Variants in ARHGEF10L observed in about 807,000 individuals in gnomAD.
ARHGEF10L encodes the protein Rho guanine nucleotide exchange factor 10 like.
Under a neutral mutation model 141.2 loss-of-function variants are expected in ARHGEF10L, and 69 were observed. The ratio of observed to expected loss-of-function variants is 0.49; its 90% CI spans 0.40 to 0.60. The LOEUF is 0.60. Among genes scored for constraint, ARHGEF10L ranks in the 20% least tolerant of loss-of-function variants. The probability of loss-of-function intolerance (pLI) is 0.00; values close to 1 mark genes in which losing one functional copy is unlikely to be tolerated. For missense variants in ARHGEF10L, 1,482 were observed against 1,734.3 expected (o/e 0.85, Z 2.58); for synonymous variants, 711 against 718.5 (o/e 0.99, Z 0.17).
intron 22 of ARHGEF10L, among the ~76,000 whole-genome samples, chr1:17,653,600 C>T (rs542068555): frequency 2.4e-4 from 36 of 152,358 alleles, no homozygotes; most frequent in Admixed American, 5.9e-4. Flanking sequence ...CCGGGCTTAG[C>T]GAAGCCCCCT....
intron 22 of ARHGEF10L, among the ~76,000 whole-genome samples, chr1:17,653,125 C>T (rs1248741973): frequency 1.3e-5 from 2 of 152,184 alleles, no homozygotes; most frequent in Admixed American, 1.3e-4. Flanking sequence ...TTTACACTTT[C>T]CCTCTCCAGT....
At chr1:17,608,310 C>T (rs948279502) in intron 7 of ARHGEF10L, among the ~76,000 whole-genome samples, 5 of 152,184 alleles carry the variant, frequency 3.3e-5, no homozygotes, top group East Asian at 1.9e-4. Context: ...GTCCTCTCAA[C>T]GCCGCACTCC....
Position 17,606,303 on chromosome 1 carries a change from T to C in ARHGEF10L, c.434-1499T>C, listed in dbSNP as rs139170918. Among the ~76,000 whole-genome samples the C allele has an allele frequency of 6.6e-4, 100 of 152,138 alleles. 4 individuals carry two copies. In the East Asian group the frequency reaches 0.016, roughly 24 times the overall value. On this transcript the variant is annotated intron_variant, in intron 6 of 28. Coordinates refer to ENST00000361221, the MANE Select transcript of ARHGEF10L (RefSeq NM_018125.4). ...TTCTTTTCTTCTTCTTCTTCTTCTT[T>C]TTTTTTTTGAGATGTTGTCTCTCTC...
intron 9 of ARHGEF10L, chr1:17,618,576 C>A: frequency 4.8e-6 from 6 of 1,258,170 alleles, no homozygotes; most frequent in Non-Finnish European, 6.2e-6. Context: ...GTTGCTGCCG[C>A]TTCTTCTTTC....
intron 26 of ARHGEF10L, among the ~76,000 whole-genome samples, chr1:17,680,397 C>G (rs1160552464): frequency 1.3e-5 from 2 of 152,208 alleles, no homozygotes; most frequent in African/African-American, 4.8e-5. Context: ...AGAAGCGTCA[C>G]CTGGAGGCAC....
chr1:17,576,886 T>A (rs1278623020), intron 1 of ARHGEF10L, among the ~76,000 whole-genome samples: 1 of 152,238 alleles, frequency 6.6e-6, no homozygotes, highest in African/African-American at 2.4e-5. Flanking sequence ...TGTCACCGCC[T>A]GGAGAGTCAC....
intron 1 of ARHGEF10L, among the ~76,000 whole-genome samples, chr1:17,579,116 G>A (rs574373061): frequency 6.7e-4 from 102 of 152,194 alleles, no homozygotes; most frequent in African/African-American, 2.3e-3. Flanking sequence ...CGCCTCCCAC[G>A]TTCAAGTGAT....
In ARHGEF10L at chr1:17,656,112, C is replaced by A; in HGVS notation, c.2705+10C>A. 1.3e-6 allele frequency: 2 copies of A among 1,549,696 alleles called. No homozygotes were observed. Among genetic ancestry groups the A allele is most frequent in the Non-Finnish European group, 8.7e-7 (1 of 1,147,230 alleles). The stretch of plus-strand genomic sequence containing the variant: ...GGCTCCAGGATGGCAGGTGAGGGGC[C>A]CGGAAGGAGGGGTGAGAGCAGCCTC... On this transcript the variant is annotated intron_variant, in intron 24 of 28. Transcript: ENST00000361221. The surrounding 1 kb of genome is among the most constrained non-coding windows in gnomAD (Gnocchi z 4.9).
chr1:17,672,236 T>C (rs1176452815), intron 26 of ARHGEF10L, among the ~76,000 whole-genome samples: 1 of 139,044 alleles, frequency 7.2e-6, no homozygotes, highest in Non-Finnish European at 1.5e-5. Context: ...TCATGTTTAG[T>C]GCCTAAACTT....
Position 17,673,212 on chromosome 1 carries a change from C to G in ARHGEF10L, c.3009+8617C>G, listed in dbSNP as rs977565565. ...GGGAGGTGAGGAAGGGGAGCTGGCA[C>G]GGCAGGGGCAGTCCTGTCCTTGTGA... On this transcript the variant is annotated intron_variant, in intron 26 of 28. Coordinates refer to ENST00000361221, the MANE Select transcript of ARHGEF10L (RefSeq NM_018125.4). The surrounding 1 kb of genome is among the most constrained non-coding windows in gnomAD (Gnocchi z 4.1). Among the ~76,000 whole-genome samples the G allele has an allele frequency of 6.6e-6, 1 of 152,072 alleles. No homozygotes were observed. The highest frequency in any genetic ancestry group is 2.4e-5 in the African/African-American group (1 of 41,382).
intron 27 of ARHGEF10L, among the ~76,000 whole-genome samples, chr1:17,690,351 C>A (rs2065008605): frequency 6.6e-6 from 1 of 152,226 alleles, no homozygotes; most frequent in South Asian, 2.1e-4. Context: ...CGGTCCCTAC[C>A]CCGCAGGGCA....
At chr1:17,674,632 A>G (rs574834549) in intron 26 of ARHGEF10L, among the ~76,000 whole-genome samples, 2 of 152,332 alleles carry the variant, frequency 1.3e-5, no homozygotes, top group African/African-American at 4.8e-5. Context: ...ATGCCTGTGC[A>G]TGCCTGTGAG....
rs2062240711 is a variant in ARHGEF10L at position 17,656,237 on chromosome 1, C to G, written c.2705+135C>G. 2 of 1,087,042 alleles carry G rather than the reference C, an allele frequency of 1.8e-6. No homozygotes were observed. Among genetic ancestry groups the G allele is most frequent in the Admixed American group, 4.6e-5 (2 of 43,132 alleles). 67.3% of individuals were successfully genotyped at this position (1,087,042 alleles called of 1,614,324 possible). A position where few individuals can be genotyped will look rare whatever the true frequency, so the allele number is the denominator to read the frequency against. On this transcript the variant is annotated intron_variant, in intron 24 of 28. Coordinates refer to ENST00000361221, the MANE Select transcript of ARHGEF10L (RefSeq NM_018125.4). This position sits in a 1 kb window ranked among gnomAD's most constrained non-coding sequence, Gnocchi z 4.9. ...CCCCTGGTCTCCAGGAAGGTGGGCA[C>G]CAGAGCTGCCCAGTGTGGGAGCCAA...
intron 1 of ARHGEF10L, among the ~76,000 whole-genome samples, chr1:17,556,112 T>G (rs1287753596): frequency 8.6e-5 from 5 of 57,888 alleles, no homozygotes; most frequent in Admixed American, 2.7e-4. Flanking sequence ...CCTGGGAGCA[T>G]GGGGGGGGCC....
chr1:17,556,063 CTGGGAG>C, intron 1 of ARHGEF10L, among the ~76,000 whole-genome samples: 1 of 141,646 alleles, frequency 7.1e-6, no homozygotes. Flanking sequence ...GGGGTTGAGC[CTGGGAG>C]CACGGGGGTG....
At position 17,640,241 on chromosome 1, in the gene ARHGEF10L, C is replaced by T. The variant is rs750213392; in HGVS notation, c.2211C>T (p.Thr737=). ...TTAGCTTCATGGTGGTTTTCATCAC[C>T]CCCAACCCCCTGAGCAAGATTTCCT... The part of the protein sequence containing the change: ...RPISFMVVFI[T]PNPLSKISWV... Residue 737 remains threonine, a synonymous_variant, in exon 21 of 29, where the codon ACC becomes ACT. Coordinates refer to ENST00000361221, the MANE Select transcript of ARHGEF10L (RefSeq NM_018125.4). 9 of 1,613,134 alleles carry T rather than the reference C, an allele frequency of 5.6e-6. No homozygotes were observed. The highest frequency in any genetic ancestry group is 6.8e-6 in the Non-Finnish European group (8 of 1,179,720).
At chr1:17,570,760 T>C (rs190685850) in intron 1 of ARHGEF10L, among the ~76,000 whole-genome samples, 16 of 151,994 alleles carry the variant, frequency 1.1e-4, no homozygotes, top group Admixed American at 8.5e-4. Flanking sequence ...GTTTGGGCCA[T>C]GGTGGTACTG....
Position 17,621,766 on chromosome 1 carries a change from G to C in ARHGEF10L, c.943-98G>C. The C allele has an allele frequency of 9.1e-7, 1 of 1,100,026 alleles. No homozygotes were observed. The highest frequency in any genetic ancestry group is 1.4e-6 in the Non-Finnish European group (1 of 721,290). 68.1% of individuals were successfully genotyped at this position (1,100,026 alleles called of 1,614,324 possible). A position where few individuals can be genotyped will look rare whatever the true frequency, so the allele number is the denominator to read the frequency against. On this transcript the variant is annotated intron_variant, in intron 10 of 28. Transcript: ENST00000361221. The surrounding 1 kb of genome is among the most constrained non-coding windows in gnomAD (Gnocchi z 4.1). ...GTCCCAGGTGGGACCTGGGAGGGAT[G>C]GGTTTCTCTGTCCTATAGTTGTCAG...
At chr1:17,554,625 G>A (rs552162342) in intron 1 of ARHGEF10L, among the ~76,000 whole-genome samples, 17 of 128,520 alleles carry the variant, frequency 1.3e-4, no homozygotes, top group African/African-American at 2.5e-4. Context: ...TTGCTCTGTC[G>A]CCCAGGCTGG....
Sources: gnomAD v4.1 joint callset for allele counts (sites outside exome capture counted in the v4.1 genomes callset) on GRCh38, gnomAD v4.1.1 for gene constraint, Gnocchi (gnomAD v3.1) non-coding constraint, MANE v1.5 for transcripts, NCBI Gene and HGNC (gene_info 2026-07-23, HGNC 2026-07-21) for gene names.